The following SATB1 variants were observed in gnomAD, a reference collection of about 807,000 sequenced individuals.
The protein encoded by SATB1 is SATB homeobox 1, also known as DNA-binding protein SATB1.
A neutral mutation model predicts 86.9 loss-of-function variants in SATB1; 11 were observed. That is an observed-to-expected ratio of 0.13 (90% CI 0.08 to 0.21). SATB1 has a LOEUF of 0.21. Ranked by LOEUF, SATB1 falls within the 10% of genes least tolerant of loss-of-function variation. The probability of loss-of-function intolerance (pLI) is 1.00; values close to 1 mark genes in which losing one functional copy is unlikely to be tolerated. For missense variants in SATB1, 551 were observed against 937.6 expected (o/e 0.59, Z 5.39); for synonymous variants, 357 against 357.2 (o/e 1.00, Z 0.01).
chr3:18,425,824 G>C (rs1009008797), upstream of SATB1, among the ~76,000 whole-genome samples: 1 of 141,186 alleles, frequency 7.1e-6, no homozygotes, highest in Non-Finnish European at 1.6e-5. Flanking sequence ...GGAGGGAGGA[G>C]GGGCAGGACG....
Position 18,397,307 on chromosome 3 carries a change from G to T in SATB1, c.640-17C>A. On this transcript the variant is annotated splice_polypyrimidine_tract_variant and intron_variant, in intron 5 of 10. Transcript: ENST00000338745. ...AATCATACTCTGCATGAAGAAGGGGGGAGAATATTTGTAATACACAGCAGC... is the reference window on the plus strand; with the variant it reads ...AATCATACTCTGCATGAAGAAGGGGTGAGAATATTTGTAATACACAGCAGC... 2 of 1,382,454 alleles carry T rather than the reference G, an allele frequency of 1.4e-6. No individual in the cohort carries two copies. Among genetic ancestry groups the T allele is most frequent in the Non-Finnish European group, 2.1e-6 (2 of 969,522 alleles). 85.6% of individuals were successfully genotyped at this position (1,382,454 alleles called of 1,614,324 possible). A position where few individuals can be genotyped will look rare whatever the true frequency, so the allele number is the denominator to read the frequency against.
rs376296940 is a variant in SATB1 at position 18,367,331 on chromosome 3, AATG to A, written c.1575+10836_1575+10838del. On this transcript the variant is annotated intron_variant, in intron 9 of 10. Transcript: ENST00000338745. ...TGCAAATGATACTGATGACTTCAAC[AATG>A]ATGATGAAAAATGAAGACAGTGGGT... is the stretch of plus-strand genomic sequence containing the variant. Among the ~76,000 whole-genome samples, 482 of 152,330 alleles carry A rather than the reference AATG, an allele frequency of 3.2e-3. 1 individual carries two copies. The highest frequency in any genetic ancestry group is 0.01 in the African/African-American group (432 of 41,572).
chr3:18,420,740 G>A lies in SATB1; in HGVS notation c.211+17C>T. 1 of 1,604,276 alleles carries A rather than the reference G, an allele frequency of 6.2e-7. No individual in the cohort carries two copies. Reference sequence around the variant, plus strand: ...CAGGGCTTTCAGCTTTTCAAGATTTGGCTTGAAGGTATTTACCTTTCCTAA... The same window carrying A: ...CAGGGCTTTCAGCTTTTCAAGATTTAGCTTGAAGGTATTTACCTTTCCTAA... On this transcript the variant is annotated intron_variant, in intron 2 of 10. Coordinates refer to ENST00000338745, the MANE Select transcript of SATB1 (RefSeq NM_002971.6).
At chr3:18,409,911 A>G (rs575844667) in intron 5 of SATB1, among the ~76,000 whole-genome samples, 1 of 152,192 alleles carries the variant, frequency 6.6e-6, no homozygotes, top group South Asian at 2.1e-4. Flanking sequence ...CAAGAAATTC[A>G]TCTGCCCACT....
At chr3:18,365,381 A>C (rs896150460) in intron 9 of SATB1, among the ~76,000 whole-genome samples, 1 of 149,042 alleles carries the variant, frequency 6.7e-6, no homozygotes, top group African/African-American at 2.4e-5. Flanking sequence ...GAAGGAGATA[A>C]GGTAGGACAG....
intron 7 of SATB1, among the ~76,000 whole-genome samples, chr3:18,388,420 A>T (rs1044167334): frequency 2.0e-5 from 3 of 152,182 alleles, no homozygotes; most frequent in African/African-American, 7.2e-5. Flanking sequence ...TACTTGACAA[A>T]GCAATATATT....
chr3:18,371,254 T>G (rs1695466911), intron 9 of SATB1, among the ~76,000 whole-genome samples: 1 of 152,160 alleles, frequency 6.6e-6, no homozygotes, highest in South Asian at 2.1e-4. Flanking sequence ...AGAAGTAGAT[T>G]AAGACTTAGG....
intron 1 of SATB1, among the ~76,000 whole-genome samples, chr3:18,423,081 C>A (rs531332365): frequency 6.6e-6 from 1 of 152,144 alleles, no homozygotes; most frequent in South Asian, 2.1e-4. Context: ...CTAAAGTTCA[C>A]CAAACCTCAG....
At chr3:18,406,621 C>A (rs1384026680) in intron 5 of SATB1, among the ~76,000 whole-genome samples, 1 of 152,050 alleles carries the variant, frequency 6.6e-6, no homozygotes, top group African/African-American at 2.4e-5. Context: ...ATTCAGACCT[C>A]TGAGTTCCCT....
In SATB1 at chr3:18,396,856, T is replaced by A. The variant is rs565589620; in HGVS notation, c.751+323A>T. Among the ~76,000 whole-genome samples, 11 of 152,270 alleles carry A rather than the reference T, an allele frequency of 7.2e-5. No homozygotes were observed. In the East Asian group the frequency reaches 2.1e-3, roughly 29 times the overall value. ...ACAAAAAACCTAAAAGCAAGACTTA[T>A]CAGAGAAAGAAATCACAGCTAATAT... On this transcript the variant is annotated intron_variant, in intron 6 of 10. Coordinates refer to ENST00000338745, the MANE Select transcript of SATB1 (RefSeq NM_002971.6).
At chr3:18,443,053 T>C (rs1405000843), upstream of SATB1, among the ~76,000 whole-genome samples, 1 of 152,230 alleles carries the variant, frequency 6.6e-6, no homozygotes, top group African/African-American at 2.4e-5. The surrounding 1 kb of genome is among the most constrained non-coding windows in gnomAD (Gnocchi z 4.4). Context: ...TTTTTGATTT[T>C]TGCAGCTACA....
At chr3:18,430,660 T>C (rs994281568) in intron 2 of SATB1, among the ~76,000 whole-genome samples, 1 of 152,314 alleles carries the variant, frequency 6.6e-6, no homozygotes, top group African/African-American at 2.4e-5. Flanking sequence ...GGCAAAAAGC[T>C]TCAAAATGTT....
Position 18,394,543 on chromosome 3 carries a change from G to A in SATB1, c.1125C>T (p.Ile375=), listed in dbSNP as rs1305088992. 2 of 1,614,228 alleles carry A rather than the reference G, an allele frequency of 1.2e-6. No individual in the cohort carries two copies. Among genetic ancestry groups the A allele is most frequent in the South Asian group, 2.2e-5 (2 of 91,088 alleles). Residue 375 remains isoleucine, a synonymous_variant, in exon 7 of 11, where the codon ATC becomes ATT. Transcript: ENST00000338745. This position sits in a 1 kb window ranked among gnomAD's most constrained non-coding sequence, Gnocchi z 5.9. Reference sequence around the variant, plus strand: ...TCAGTTCATCGCGTACCCACTGGTAGATTTCGGAAGACACCTCTGTGTTGG... The same window carrying A: ...TCAGTTCATCGCGTACCCACTGGTAAATTTCGGAAGACACCTCTGTGTTGG... ...VSTNTEVSSE[I]YQWVRDELKR...
chr3:18,365,672 A>G (rs775716725), intron 9 of SATB1, among the ~76,000 whole-genome samples: 7 of 152,238 alleles, frequency 4.6e-5, no homozygotes, highest in Admixed American at 1.3e-4. Flanking sequence ...AATTGAGCAC[A>G]TAACCGTCTG....
upstream of SATB1, among the ~76,000 whole-genome samples, chr3:18,425,824 G>GGGGAAGGAC (rs1698675139): frequency 7.1e-6 from 1 of 141,186 alleles, no homozygotes; most frequent in African/African-American, 2.6e-5. Flanking sequence ...GGAGGGAGGA[G>GGGGAAGGAC]GGGCAGGACG....
intron 1 of SATB1, among the ~76,000 whole-genome samples, chr3:18,437,692 A>T (rs1049132486): frequency 4.6e-5 from 7 of 152,172 alleles, no homozygotes; most frequent in African/African-American, 1.7e-4. Flanking sequence ...CTCTAAGAAA[A>T]TTTTTAAAAC....
intron 5 of SATB1, among the ~76,000 whole-genome samples, chr3:18,411,321 G>A (rs1316838168): frequency 6.6e-6 from 1 of 152,060 alleles, no homozygotes; most frequent in Admixed American, 6.6e-5. Context: ...GTGAAAGAGG[G>A]AAGGTAAAAA....
chr3:18,360,185 G>A (rs530181940), intron 9 of SATB1, among the ~76,000 whole-genome samples: 1 of 152,134 alleles, frequency 6.6e-6, no homozygotes, highest in East Asian at 1.9e-4. Flanking sequence ...TTTCGCCCAT[G>A]AAACTTACTG....
chr3:18,402,195 G>A (rs1697307147), intron 5 of SATB1, among the ~76,000 whole-genome samples: 1 of 152,002 alleles, frequency 6.6e-6, no homozygotes, highest in African/African-American at 2.4e-5. Flanking sequence ...AAGGAAGATG[G>A]TTTTATTTTT....
Sources: allele counts gnomAD v4.1 joint callset (sites outside exome capture counted in the v4.1 genomes callset), GRCh38; gene constraint gnomAD v4.1.1; non-coding constraint Gnocchi (gnomAD v3.1); transcripts MANE v1.5; gene names NCBI Gene and HGNC (gene_info 2026-07-23, HGNC 2026-07-21).